The following CSMD1 variants were observed in gnomAD, a reference collection of about 807,000 sequenced individuals.
CSMD1 encodes CUB and sushi domain-containing protein 1.
In CSMD1, 213 loss-of-function variants were observed where a neutral mutation model predicts 417.5. That is an observed-to-expected ratio of 0.51 (90% CI 0.46 to 0.57). The LOEUF (loss-of-function observed/expected upper bound fraction) is 0.57, where lower values mean the gene tolerates loss of function less well. CSMD1 is among the 20% of genes least tolerant of loss of function. CSMD1 has a pLI of 0.00. For missense variants in CSMD1, 6,923 were observed against 4,529.7 expected (o/e 1.53, Z -15.17); for synonymous variants, 2,862 against 1,736.8 (o/e 1.65, Z -16.11).
intron 12 of CSMD1, among the ~76,000 whole-genome samples, chr8:3,418,203 T>G (rs1813276260): frequency 6.6e-6 from 1 of 152,096 alleles, no homozygotes; most frequent in Non-Finnish European, 1.5e-5. Context: ...ACCTGCTGTG[T>G]TTTTCCTTCC....
chr8:3,635,977 T>G (rs979086672), intron 7 of CSMD1, among the ~76,000 whole-genome samples: 1 of 152,204 alleles, frequency 6.6e-6, no homozygotes, highest in Non-Finnish European at 1.5e-5. Flanking sequence ...TTGGCTCTTT[T>G]GTAATAACAC....
At chr8:2,955,409 C>T (rs1802926959) in intron 64 of CSMD1, among the ~76,000 whole-genome samples, 180 bp downstream of exon 64, 1 of 152,176 alleles carries the variant, frequency 6.6e-6, no homozygotes, top group South Asian at 2.1e-4. Flanking sequence ...GCATCAAACA[C>T]TGAGGATACA....
chr8:3,563,747 G>C (rs1397046023), intron 10 of CSMD1, among the ~76,000 whole-genome samples: 3 of 152,004 alleles, frequency 2.0e-5, no homozygotes, highest in African/African-American at 7.2e-5. Flanking sequence ...AGATTAGCTA[G>C]GTGTGGTGGT....
chr8:4,033,168 C>A (rs188456492), intron 3 of CSMD1, among the ~76,000 whole-genome samples: 1 of 143,374 alleles, frequency 7.0e-6, no homozygotes, highest in Non-Finnish European at 1.5e-5. Flanking sequence ...TGGCCAGGCA[C>A]GGTAGCTCAC....
intron 5 of CSMD1, among the ~76,000 whole-genome samples, chr8:3,913,962 G>A (rs986841714): frequency 2.6e-5 from 4 of 151,936 alleles, no homozygotes; most frequent in Non-Finnish European, 4.4e-5. Flanking sequence ...TTCAGATAAA[G>A]GAAAGTACTT....
chr8:4,074,742 G>T (rs1014309280), intron 3 of CSMD1, among the ~76,000 whole-genome samples: 4 of 151,092 alleles, frequency 2.6e-5, no homozygotes, highest in Non-Finnish European at 5.9e-5. Context: ...TTAGGAAAAA[G>T]AAACAAACAA....
chr8:4,478,464 A>G (rs1313650674), intron 2 of CSMD1, among the ~76,000 whole-genome samples: 4 of 152,188 alleles, frequency 2.6e-5, no homozygotes, highest in Non-Finnish European at 5.9e-5. Context: ...AATTGAATCA[A>G]TAGTTTCTTC....
intron 52 of CSMD1, among the ~76,000 whole-genome samples, chr8:3,005,572 C>T (rs940896672): frequency 6.6e-6 from 1 of 152,182 alleles, no homozygotes; most frequent in Non-Finnish European, 1.5e-5. Context: ...AGCTTATCCA[C>T]CATGATCAAG....
chr8:4,803,846 G>A (rs1798443192), intron 1 of CSMD1, among the ~76,000 whole-genome samples: 1 of 152,252 alleles, frequency 6.6e-6, no homozygotes, highest in East Asian at 1.9e-4. Flanking sequence ...AATTATGTGT[G>A]TGTTACATAT....
At chr8:4,746,940 C>G (rs1810995191) in intron 1 of CSMD1, among the ~76,000 whole-genome samples, 1 of 152,148 alleles carries the variant, frequency 6.6e-6, no homozygotes, top group Non-Finnish European at 1.5e-5. Flanking sequence ...TCTGATGATT[C>G]AAATGCCATC....
intron 10 of CSMD1, among the ~76,000 whole-genome samples, chr8:3,525,886 T>C (rs1248921587): frequency 6.6e-6 from 1 of 152,168 alleles, no homozygotes; most frequent in Non-Finnish European, 1.5e-5. Context: ...ACTTGATCTG[T>C]ATAAGACAGC....
At chr8:3,502,528 G>A (rs1257443732) in intron 10 of CSMD1, among the ~76,000 whole-genome samples, 4 of 152,102 alleles carry the variant, frequency 2.6e-5, no homozygotes, top group Admixed American at 6.6e-5. Context: ...ATTATTCAGG[G>A]CTAAAAGGAA....
chr8:4,419,827 G>T (rs1000681285), intron 3 of CSMD1, 126 bp downstream of exon 3: 2 of 624,200 alleles, frequency 3.2e-6, no homozygotes, highest in African/African-American at 3.6e-5. Context: ...TTACACAGAA[G>T]CCAAATGTCT....
chr8:4,918,342 T>C (rs1318832007), intron 1 of CSMD1, among the ~76,000 whole-genome samples: 1 of 152,214 alleles, frequency 6.6e-6, no homozygotes, highest in Non-Finnish European at 1.5e-5. Context: ...TCTCTTTTCT[T>C]TTTGCTGGAA....
chr8:4,831,774 A>T (rs1342341645), intron 1 of CSMD1, among the ~76,000 whole-genome samples: 2 of 152,136 alleles, frequency 1.3e-5, no homozygotes, highest in Non-Finnish European at 2.9e-5. Context: ...CTTTAGGGAG[A>T]TGACTGCAGC....
intron 45 of CSMD1, among the ~76,000 whole-genome samples, 195 bp downstream of exon 45, chr8:3,107,523 G>A (rs966542943): frequency 1.3e-5 from 2 of 152,126 alleles, no homozygotes; most frequent in African/African-American, 4.8e-5. Flanking sequence ...AATGAAGAGG[G>A]ACAGACATTT....
intron 3 of CSMD1, among the ~76,000 whole-genome samples, chr8:4,036,954 GGGGTGTGT>G (rs1375440869): frequency 7.8e-5 from 9 of 115,274 alleles, no homozygotes; most frequent in African/African-American, 3.2e-4. Context: ...GGGTGAGTGT[GGGGTGTGT>G]GTGTGTGTGT....
At chr8:4,244,940 T>C (rs1021418759) in intron 3 of CSMD1, among the ~76,000 whole-genome samples, 1 of 152,140 alleles carries the variant, frequency 6.6e-6, no homozygotes, top group Non-Finnish European at 1.5e-5. Context: ...TCACCATTGC[T>C]TGAAAACAAA....
At position 3,571,560 on chromosome 8, in the gene CSMD1, T is replaced by G. The variant is rs765339302; in HGVS notation, c.1344+3385A>C. 2.0e-5 allele frequency among the ~76,000 whole-genome samples: 3 copies of G among 152,148 alleles called. No individual in the cohort carries two copies. The South Asian group carries it at 6.2e-4, about 32-fold the overall frequency. On this transcript the variant is annotated intron_variant, in intron 10 of 69. Coordinates refer to ENST00000635120, the MANE Select transcript of CSMD1 (RefSeq NM_033225.6). ...ACTCTCACCCACGGCGTCATCTCTC[T>G]CTCTCCTGTTTCCCACACCCACGGC... is the stretch of plus-strand genomic sequence containing the variant.
Sources: allele counts gnomAD v4.1 joint callset (sites outside exome capture counted in the v4.1 genomes callset), GRCh38; gene constraint gnomAD v4.1.1; transcripts MANE v1.5; gene names NCBI Gene and HGNC (gene_info 2026-07-23, HGNC 2026-07-21).